Variants in GADL1 observed in about 807,000 individuals in gnomAD.
GADL1 encodes GAD like acidic amino acid decarboxylase 1, also known as acidic amino acid decarboxylase GADL1.
Under a neutral mutation model 69.5 loss-of-function variants are expected in GADL1, and 71 were observed. The observed-to-expected ratio is 1.02, with a 90% CI of 0.84 to 1.25. The LOEUF (loss-of-function observed/expected upper bound fraction) is 1.25. Ranked by LOEUF, GADL1 falls within the 50% of genes most tolerant of loss-of-function variation. The pLI, the probability that GADL1 is intolerant of heterozygous loss-of-function variation, is 0.00. For synonymous variants in GADL1, 254 were observed against 214.4 expected (o/e 1.18, Z -1.62); for missense variants, 737 against 631.8 (o/e 1.17, Z -1.79).
intron 14 of GADL1, among the ~76,000 whole-genome samples, chr3:30,760,702 C>T (rs1696105701): frequency 6.6e-6 from 1 of 152,168 alleles, no homozygotes; most frequent in Non-Finnish European, 1.5e-5. Flanking sequence ...TGAAGGAATA[C>T]TATTTGAAAT....
At chr3:30,786,570 C>CTG (rs1696795247) in intron 12 of GADL1, among the ~76,000 whole-genome samples, 164 bp from the exon 13 acceptor site, 1 of 152,190 alleles carries the variant, frequency 6.6e-6, no homozygotes, top group Non-Finnish European at 1.5e-5. Flanking sequence ...TCCAGACCTA[C>CTG]TGTAATTTCC....
rs58924756 is a variant in GADL1 at position 30,726,484 on chromosome 3, AACACACACAC to A, written c.*1748_*1757del. On this transcript the variant is annotated 3_prime_UTR_variant, in exon 15 of 15. Transcript: ENST00000282538. Reference sequence around the variant, plus strand: ...AAAAGGCAACAAGAAATGCAAAATAAACACACACACACACACACACACACCAATAGGTTTC... The same window carrying A: ...AAAAGGCAACAAGAAATGCAAAATAAACACACACACACACCAATAGGTTTC... 6.7e-6 allele frequency: 1 copy of A among 149,168 alleles called. No homozygotes were observed. The highest frequency in any genetic ancestry group is 2.5e-5 in the African/African-American group (1 of 40,772). The allele number at this position is 149,168 out of a possible 1,614,324, so 9.2% of individuals were successfully genotyped here.
intron 14 of GADL1, among the ~76,000 whole-genome samples, chr3:30,752,714 C>T (rs986769277): frequency 1.3e-5 from 2 of 152,158 alleles, no homozygotes; most frequent in African/African-American, 2.4e-5. Context: ...AGAGGAACTT[C>T]CCCCAGCTCT....
intron 13 of GADL1, among the ~76,000 whole-genome samples, chr3:30,784,799 G>A (rs1057132017): frequency 1.3e-5 from 2 of 152,014 alleles, no homozygotes; most frequent in South Asian, 2.1e-4. Flanking sequence ...GACTACATTC[G>A]GGATACAGGC....
intron 1 of GADL1, among the ~76,000 whole-genome samples, chr3:30,889,084 T>TATAAAAAAAAAAAAAAAA (rs1698748582): frequency 6.1e-5 from 2 of 32,916 alleles, no homozygotes; most frequent in South Asian, 1.5e-3. Flanking sequence ...CGGTAATCTA[T>TATAAAAAAAAAAAAAAAA]AAAAAAAAAA....
At chr3:30,788,403 ACTAAAAATACCTTATTG>A (rs1274824761) in intron 12 of GADL1, among the ~76,000 whole-genome samples, 3 of 152,198 alleles carry the variant, frequency 2.0e-5, no homozygotes, top group Non-Finnish European at 4.4e-5. Flanking sequence ...ACATGCCGTG[ACTAAAAATACCTTATTG>A]CTAAAAAGCG....
intron 11 of GADL1, among the ~76,000 whole-genome samples, chr3:30,823,897 G>T (rs983508440): frequency 6.6e-6 from 1 of 151,706 alleles, no homozygotes; most frequent in African/African-American, 2.4e-5. Flanking sequence ...TGAAGAGAAA[G>T]AATTTCAAGA....
chr3:30,857,259 A>G, intron 2 of GADL1, 118 bp from the exon 3 acceptor site: 1 of 804,534 alleles, frequency 1.2e-6, no homozygotes, highest in Non-Finnish European at 2.0e-6. Context: ...TTAAACATGC[A>G]ACTATAGTTC....
At chr3:30,836,493 C>T (rs1370539975) in intron 9 of GADL1, among the ~76,000 whole-genome samples, 1 of 151,908 alleles carries the variant, frequency 6.6e-6, no homozygotes, top group Admixed American at 6.6e-5. Context: ...AAACCTATCA[C>T]CTAAATGATG....
chr3:30,873,890 T>C (rs1698537862), intron 1 of GADL1, among the ~76,000 whole-genome samples: 1 of 151,896 alleles, frequency 6.6e-6, no homozygotes. Flanking sequence ...AACATTCACA[T>C]GTGGCCACCT....
At chr3:30,731,006 A>G (rs1695449550) in intron 14 of GADL1, among the ~76,000 whole-genome samples, 1 of 152,244 alleles carries the variant, frequency 6.6e-6, no homozygotes, top group Non-Finnish European at 1.5e-5. Flanking sequence ...GGTTCATCAT[A>G]AAAGTACACT....
chr3:30,784,925 C>G (rs1696755226), intron 13 of GADL1, among the ~76,000 whole-genome samples: 1 of 152,136 alleles, frequency 6.6e-6, no homozygotes, highest in Non-Finnish European at 1.5e-5. Context: ...TTTGGCTGCT[C>G]AAAGACAGAA....
chr3:30,803,020 A>T (rs564276395), intron 11 of GADL1, among the ~76,000 whole-genome samples: 1 of 152,308 alleles, frequency 6.6e-6, no homozygotes, highest in South Asian at 2.1e-4. Context: ...TGAGCCCATG[A>T]GGTCGAAGCT....
At chr3:30,741,437 G>A (rs186282068) in intron 14 of GADL1, among the ~76,000 whole-genome samples, 1 of 151,954 alleles carries the variant, frequency 6.6e-6, no homozygotes, top group Non-Finnish European at 1.5e-5. Context: ...AGTGTGTATT[G>A]GAAACATGTT....
rs566694964 is a variant in GADL1 at position 30,792,065 on chromosome 3, C to A, written c.1251-5659G>T. Reference sequence around the variant, plus strand: ...CTAGCAGCATGAGAACGGACTGATACACCCAGTGTAACACTCCAGCTGAGT... The same window carrying A: ...CTAGCAGCATGAGAACGGACTGATAAACCCAGTGTAACACTCCAGCTGAGT... On this transcript the variant is annotated intron_variant, in intron 12 of 14. Transcript: ENST00000282538. Among the ~76,000 whole-genome samples the A allele has an allele frequency of 5.3e-5, 8 of 152,230 alleles. No homozygotes were observed. The East Asian group carries it at 1.5e-3, about 29-fold the overall frequency.
At chr3:30,778,640 A>C (rs1696592183) in intron 13 of GADL1, 1 of 163,968 alleles carries the variant, frequency 6.1e-6, no homozygotes, top group Non-Finnish European at 1.3e-5. Flanking sequence ...CTATACCATC[A>C]TAGGCTTCCA....
intron 11 of GADL1, among the ~76,000 whole-genome samples, chr3:30,831,929 A>G (rs1473802371): frequency 6.6e-6 from 1 of 151,862 alleles, no homozygotes; most frequent in Non-Finnish European, 1.5e-5. Flanking sequence ...CATTTTGTTC[A>G]TTGTCTTCCC....
At chr3:30,871,042 A>AGTGTGTGTAT (rs1698473862) in intron 1 of GADL1, among the ~76,000 whole-genome samples, 1 of 141,378 alleles carries the variant, frequency 7.1e-6, no homozygotes, top group East Asian at 2.2e-4. Flanking sequence ...AAGGCAGAAA[A>AGTGTGTGTAT]GTGTGTGTGT....
intron 14 of GADL1, among the ~76,000 whole-genome samples, chr3:30,764,980 G>T (rs963503580): frequency 3.3e-5 from 5 of 152,210 alleles, no homozygotes; most frequent in Admixed American, 1.3e-4. Flanking sequence ...AGGACAGATT[G>T]CAGGAAAAGT....
Sources: gnomAD v4.1 joint callset for allele counts (sites outside exome capture counted in the v4.1 genomes callset) on GRCh38, gnomAD v4.1.1 for gene constraint, MANE v1.5 for transcripts, NCBI Gene and HGNC (gene_info 2026-07-23, HGNC 2026-07-21) for gene names.